Variants in SLC16A12 observed in about 807,000 individuals in gnomAD.
SLC16A12 encodes the protein monocarboxylate transporter 12.
SLC16A12 carries 17 observed loss-of-function variants against 42.4 expected under a neutral mutation model. The observed-to-expected ratio is 0.40, with a 90% CI of 0.27 to 0.60. The LOEUF (loss-of-function observed/expected upper bound fraction) is 0.60, where lower values mean the gene tolerates loss of function less well. Ranked by LOEUF, SLC16A12 falls within the 20% of genes least tolerant of loss-of-function variation. The pLI is 0.42. For synonymous variants in SLC16A12, 224 were observed against 229.4 expected (o/e 0.98, Z 0.21); for missense variants, 544 against 623.0 (o/e 0.87, Z 1.35).
chr10:89,468,865 C>T (rs1345880086), intron 2 of SLC16A12, among the ~76,000 whole-genome samples: 1 of 152,156 alleles, frequency 6.6e-6, no homozygotes. Flanking sequence ...CACAATGACT[C>T]ACACCTGTAA....
chr10:89,496,404 T>C (rs1842922491), intron 2 of SLC16A12, among the ~76,000 whole-genome samples: 1 of 151,940 alleles, frequency 6.6e-6, no homozygotes, highest in South Asian at 2.1e-4. Flanking sequence ...TCCCATAAAG[T>C]AAACAAGAAC....
intron 2 of SLC16A12, among the ~76,000 whole-genome samples, chr10:89,500,650 T>A (rs969166379): frequency 6.6e-6 from 1 of 152,120 alleles, no homozygotes; most frequent in African/African-American, 2.4e-5. Flanking sequence ...CATTCCTCAA[T>A]GTAATAAAAT....
intron 2 of SLC16A12, among the ~76,000 whole-genome samples, chr10:89,491,744 A>G (rs913779258): frequency 4.6e-5 from 7 of 152,172 alleles, no homozygotes; most frequent in African/African-American, 1.7e-4. Context: ...AATGACCCAG[A>G]GGATGGTCTG....
At chr10:89,543,480 A>G (rs993030446) in intron 2 of SLC16A12, among the ~76,000 whole-genome samples, 1 of 152,192 alleles carries the variant, frequency 6.6e-6, no homozygotes, top group Non-Finnish European at 1.5e-5. Context: ...TAAAATGAAC[A>G]TAATAATAAC....
chr10:89,545,756 C>T (rs561971697), intron 2 of SLC16A12, among the ~76,000 whole-genome samples: 124 of 152,298 alleles, frequency 8.1e-4, no homozygotes, highest in Non-Finnish European at 1.5e-3. Context: ...ATAGCCAAGA[C>T]AATCATAAGC....
chr10:89,537,216 C>T (rs1242266039), upstream of SLC16A12, among the ~76,000 whole-genome samples: 2 of 142,826 alleles, frequency 1.4e-5, no homozygotes, highest in South Asian at 2.2e-4. Flanking sequence ...TTCACTATGT[C>T]GCTAAGGCTA....
At position 89,486,659 on chromosome 10, in the gene SLC16A12, G is replaced by GA. The variant is rs1450402824; in HGVS notation, c.-46-24036dup. On this transcript the variant is annotated intron_variant, in intron 2 of 7. Coordinates refer to ENST00000371790, the MANE Select transcript of SLC16A12 (RefSeq NM_213606.4). ...AGAAAGAAAGAAAGAAAGAAAGAAA[G>GA]AAAGAAAAGAAAGAAAGAAAGAAAA... Among the ~76,000 whole-genome samples the GA allele has an allele frequency of 3.2e-4, 15 of 46,598 alleles. 1 individual carries two copies. The highest frequency in any genetic ancestry group is 4.4e-4 in the Non-Finnish European group (10 of 22,742). The allele number at this position is 46,598 out of a possible 152,430, so 30.6% of individuals were successfully genotyped here.
chr10:89,464,883 G>A (rs1259890675), intron 2 of SLC16A12, among the ~76,000 whole-genome samples: 2 of 152,166 alleles, frequency 1.3e-5, no homozygotes, highest in African/African-American at 4.8e-5. Flanking sequence ...TGACTTTGGG[G>A]AGACTGACAA....
At chr10:89,515,114 CAAA>C (rs1843226933) in intron 2 of SLC16A12, among the ~76,000 whole-genome samples, 1 of 147,832 alleles carries the variant, frequency 6.8e-6, no homozygotes, top group Non-Finnish European at 1.5e-5. Flanking sequence ...CAAAACAAAA[CAAA>C]ACAAAACAAA....
In SLC16A12 at chr10:89,436,054, A is replaced by G; in HGVS notation, c.1288+6T>C. 1 of 1,613,678 alleles carries G rather than the reference A, an allele frequency of 6.2e-7. No individual in the cohort carries two copies. Among genetic ancestry groups the G allele is most frequent in the Non-Finnish European group, 8.5e-7 (1 of 1,179,772 alleles). Reference sequence around the variant, plus strand: ...AGGTGGTTGGGGTTTCTCTCTGGAAACTTACCTGCGATGGGTGGGCTCACC... The same window carrying G: ...AGGTGGTTGGGGTTTCTCTCTGGAAGCTTACCTGCGATGGGTGGGCTCACC... On this transcript the variant is annotated splice_donor_region_variant and intron_variant, in intron 7 of 7. Coordinates refer to ENST00000371790, the MANE Select transcript of SLC16A12 (RefSeq NM_213606.4).
At chr10:89,445,624 T>C (rs889802668) in intron 3 of SLC16A12, among the ~76,000 whole-genome samples, 2 of 151,818 alleles carry the variant, frequency 1.3e-5, no homozygotes, top group African/African-American at 4.8e-5. Context: ...AGACCAAAGG[T>C]AGATAAAACC....
intron 2 of SLC16A12, among the ~76,000 whole-genome samples, chr10:89,543,794 C>T (rs1163427486): frequency 2.0e-5 from 3 of 152,038 alleles, no homozygotes. Context: ...ATGATTGTGT[C>T]ACTGCACTCC....
intron 2 of SLC16A12, among the ~76,000 whole-genome samples, chr10:89,470,780 G>A (rs1044469732): frequency 6.6e-6 from 1 of 152,226 alleles, no homozygotes; most frequent in African/African-American, 2.4e-5. Flanking sequence ...ACCAAGATGA[G>A]TTTCACTTTC....
At chr10:89,477,487 C>T (rs1268591834) in intron 2 of SLC16A12, among the ~76,000 whole-genome samples, 1 of 149,840 alleles carries the variant, frequency 6.7e-6, no homozygotes, top group African/African-American at 2.5e-5. Flanking sequence ...TCACTTGAAC[C>T]CAGGAGGAGG....
chr10:89,502,750 C>G (rs1843006726), intron 2 of SLC16A12, among the ~76,000 whole-genome samples: 1 of 152,172 alleles, frequency 6.6e-6, no homozygotes, highest in African/African-American at 2.4e-5. Context: ...TTTCCAGCTG[C>G]CAAATCATAT....
chr10:89,456,161 C>T (rs572450217), intron 3 of SLC16A12: 4 of 152,312 alleles, frequency 2.6e-5, no homozygotes, highest in Admixed American at 6.5e-5. Context: ...ACCATGGGAC[C>T]TTGGACATGT....
chr10:89,487,995 T>TATATATATATATATATAC (rs770274570), intron 2 of SLC16A12, among the ~76,000 whole-genome samples: 5 of 122,974 alleles, frequency 4.1e-5, no homozygotes, highest in East Asian at 5.2e-4. Context: ...TATATATATA[T>TATATATATATATATATAC]ACACACACAC....
rs150882972 is a variant in SLC16A12, at chr10:89,474,175, G to C, written c.-46-11551C>G. 1.9e-3 allele frequency among the ~76,000 whole-genome samples: 283 copies of C among 152,196 alleles called. 1 individual carries two copies. The highest frequency in any genetic ancestry group is 6.7e-3 in the African/African-American group (277 of 41,510). On this transcript the variant is annotated intron_variant, in intron 2 of 7. Coordinates refer to ENST00000371790, the MANE Select transcript of SLC16A12 (RefSeq NM_213606.4). The stretch of plus-strand genomic sequence containing the variant: ...CATCTCCCTCTTCCAGGTTTTTGGA[G>C]ATCTCTGTGTATGCCTTTCCTGGCA...
intron 2 of SLC16A12, among the ~76,000 whole-genome samples, chr10:89,524,192 T>A (rs1415559982): frequency 6.6e-6 from 1 of 152,192 alleles, no homozygotes; most frequent in Non-Finnish European, 1.5e-5. Context: ...TTATTTCCCA[T>A]CTGCACCATT....
Sources: allele counts gnomAD v4.1 joint callset (sites outside exome capture counted in the v4.1 genomes callset), GRCh38; gene constraint gnomAD v4.1.1; transcripts MANE v1.5; gene names NCBI Gene and HGNC (gene_info 2026-07-23, HGNC 2026-07-21).